Variants in LRRC8C observed in about 807,000 individuals in gnomAD.
The protein encoded by LRRC8C is volume-regulated anion channel subunit LRRC8C.
Under a neutral mutation model 55.3 loss-of-function variants are expected in LRRC8C, and 20 were observed. The observed-to-expected ratio is 0.36, with a 90% confidence interval of 0.25 to 0.53. LRRC8C has a LOEUF of 0.53. Among genes scored for constraint, LRRC8C ranks in the 20% least tolerant of loss-of-function variants. LRRC8C has a pLI of 0.92. For synonymous variants in LRRC8C, 376 were observed against 360.7 expected (o/e 1.04, Z -0.48); for missense variants, 659 against 951.4 (o/e 0.69, Z 4.04).
At chr1:89,693,436 C>A (rs986430088) in intron 2 of LRRC8C, among the ~76,000 whole-genome samples, 1 of 152,044 alleles carries the variant, frequency 6.6e-6, no homozygotes, top group Non-Finnish European at 1.5e-5. Flanking sequence ...TCTACTCCCC[C>A]CATGCAGTCA....
chr1:89,715,021 C>A lies in LRRC8C; in HGVS notation c.*39C>A. 1 of 1,423,602 alleles carries A rather than the reference C, an allele frequency of 7.0e-7. No homozygotes were observed. The highest frequency in any genetic ancestry group is 2.3e-5 in the Admixed American group (1 of 43,296). 88.2% of individuals were successfully genotyped at this position (1,423,602 alleles called of 1,614,324 possible). On this transcript the variant is annotated 3_prime_UTR_variant, in exon 3 of 3. Transcript: ENST00000370454. ...AAAGTTTGACTGAAACACGCTTCTA[C>A]CAAATACAGTATAAATAATTAGGTA... is the stretch of plus-strand genomic sequence containing the variant.
intron 2 of LRRC8C, among the ~76,000 whole-genome samples, chr1:89,690,358 G>A (rs1474055957): frequency 1.3e-5 from 2 of 152,164 alleles, no homozygotes; most frequent in African/African-American, 2.4e-5. Context: ...AGGTAGTAGA[G>A]CAGGGGTCTC....
chr1:89,618,815 A>C, the LRRC8C span, among the ~76,000 whole-genome samples: 1 of 152,248 alleles, frequency 6.6e-6, no homozygotes, highest in Non-Finnish European at 1.5e-5. Context: ...TTAGTATTTT[A>C]TCTCAAACAA....
At chr1:89,696,191 T>C (rs1399089159) in intron 2 of LRRC8C, among the ~76,000 whole-genome samples, 3 of 152,188 alleles carry the variant, frequency 2.0e-5, no homozygotes, top group Admixed American at 6.5e-5. Context: ...GCAGGAGCTA[T>C]ACAGACATAG....
intron 2 of LRRC8C, among the ~76,000 whole-genome samples, chr1:89,703,547 T>TAAA (rs75382206): frequency 2.3e-4 from 29 of 126,724 alleles, no homozygotes; most frequent in African/African-American, 8.1e-4. Flanking sequence ...GTACAGATTG[T>TAAA]AAAAAAAAAA....
chr1:89,706,217 A>G lies in LRRC8C; in HGVS notation c.139-6492A>G, dbSNP rs1196022039. On this transcript the variant is annotated intron_variant, in intron 2 of 2. Transcript: ENST00000370454. ...ACTGCAGAATGACTTTTCCTGAGGC[A>G]CACTCAGAATTCAGCATTTATGTTC... The G allele has an allele frequency of 1.1e-5, 5 of 447,790 alleles. No homozygotes were observed. In the East Asian group the frequency reaches 2.8e-4, roughly 25 times the overall value. The allele number at this position is 447,790 out of a possible 1,614,324, so 27.7% of individuals were successfully genotyped here.
At chr1:89,681,255 G>A (rs907927305) in intron 1 of LRRC8C, among the ~76,000 whole-genome samples, 2 of 152,160 alleles carry the variant, frequency 1.3e-5, no homozygotes, top group African/African-American at 4.8e-5. Context: ...CTTTTTCAGA[G>A]GAACTGAAAG....
At chr1:89,647,055 G>A (rs557829120) in intron 1 of LRRC8C, among the ~76,000 whole-genome samples, 1 of 152,216 alleles carries the variant, frequency 6.6e-6, no homozygotes, top group South Asian at 2.1e-4. Flanking sequence ...TATTTTACCT[G>A]TTAATTTATC....
At chr1:89,665,607 A>G (rs1210193197) in intron 1 of LRRC8C, among the ~76,000 whole-genome samples, 1 of 152,264 alleles carries the variant, frequency 6.6e-6, no homozygotes, top group Non-Finnish European at 1.5e-5. Flanking sequence ...GCCAAATGTT[A>G]TTATGAAAGC....
intron 1 of LRRC8C, among the ~76,000 whole-genome samples, chr1:89,636,155 C>T (rs1003990827): frequency 1.3e-5 from 2 of 152,156 alleles, no homozygotes; most frequent in African/African-American, 4.8e-5. Flanking sequence ...ATTAATAAAG[C>T]CTCCCTAGCT....
chr1:89,631,024 T>A (rs114417260), upstream of LRRC8C, among the ~76,000 whole-genome samples: 94 of 152,278 alleles, frequency 6.2e-4, no homozygotes, highest in African/African-American at 2.1e-3. Flanking sequence ...ATAAAGCAAC[T>A]TGGGGTGGAC....
At chr1:89,657,614 G>A (rs7548153) in intron 1 of LRRC8C, among the ~76,000 whole-genome samples, 3,703 of 152,056 alleles carry the variant, frequency 0.024, 144 homozygotes, top group African/African-American at 0.086. Flanking sequence ...GGTAGCACAC[G>A]CCTATAGTCC....
intron 1 of LRRC8C, among the ~76,000 whole-genome samples, chr1:89,661,798 A>T (rs1657130472): frequency 6.6e-6 from 1 of 152,138 alleles, no homozygotes; most frequent in Non-Finnish European, 1.5e-5. Flanking sequence ...GAGGAAAGGG[A>T]GTGCTATGGC....
intron 2 of LRRC8C, among the ~76,000 whole-genome samples, chr1:89,688,561 G>A (rs1430560234): frequency 1.3e-5 from 2 of 152,182 alleles, no homozygotes; most frequent in Non-Finnish European, 2.9e-5. Context: ...ATTAAAAGAC[G>A]TCCAGGAGCA....
intron 2 of LRRC8C, among the ~76,000 whole-genome samples, chr1:89,689,864 C>A (rs1040148179): frequency 2.0e-5 from 3 of 151,956 alleles, no homozygotes; most frequent in African/African-American, 7.3e-5. Context: ...TCGCCTGAAC[C>A]CGGGAGGCAA....
intron 1 of LRRC8C, among the ~76,000 whole-genome samples, chr1:89,659,061 T>TTTTTTTTGTGTG (rs1294718324): frequency 3.7e-5 from 2 of 53,972 alleles, no homozygotes; most frequent in East Asian, 7.1e-4. Context: ...TTTTTTTTTT[T>TTTTTTTTGTGTG]TGTGTGTGTG....
In LRRC8C at chr1:89,715,449, T is replaced by G. The variant is rs1452471171; in HGVS notation, c.*467T>G. The G allele has an allele frequency of 1.3e-5, 2 of 152,566 alleles. No homozygotes were observed. The allele number at this position is 152,566 out of a possible 1,614,324, so 9.5% of individuals were successfully genotyped here. ...GCTGTCTTCTCCATTGGCCAAGACC[T>G]TCATTCAGTGGAACTTCACATAAGT... is the stretch of plus-strand genomic sequence containing the variant. On this transcript the variant is annotated 3_prime_UTR_variant, in exon 3 of 3. Transcript: ENST00000370454.
chr1:89,666,968 G>C (rs1657282596), intron 1 of LRRC8C, among the ~76,000 whole-genome samples: 1 of 152,100 alleles, frequency 6.6e-6, no homozygotes, highest in Admixed American at 6.5e-5. Context: ...AAGCAACTTA[G>C]GGAATGAAAA....
chr1:89,683,460 C>T (rs191844095), intron 1 of LRRC8C, among the ~76,000 whole-genome samples: 10 of 151,504 alleles, frequency 6.6e-5, no homozygotes, highest in Middle Eastern at 6.8e-3. Context: ...CAAGTTGAAG[C>T]GATTCTCCTG....
Sources: gnomAD v4.1 joint callset for allele counts (sites outside exome capture counted in the v4.1 genomes callset) on GRCh38, gnomAD v4.1.1 for gene constraint, MANE v1.5 for transcripts, NCBI Gene and HGNC (gene_info 2026-07-23, HGNC 2026-07-21) for gene names.